The following CCSER1 variants were observed in gnomAD, a reference collection of about 807,000 sequenced individuals.
CCSER1 encodes the protein coiled-coil serine rich protein 1, also known as serine-rich coiled-coil domain-containing protein 1.
A neutral mutation model predicts 82.0 loss-of-function variants in CCSER1; 41 were observed. That is an observed-to-expected ratio of 0.50 (90% CI 0.39 to 0.65). The LOEUF is 0.65. Ranked by LOEUF, CCSER1 falls within the 30% of genes least tolerant of loss-of-function variation. The pLI, the probability that CCSER1 is intolerant of heterozygous loss-of-function variation, is 0.00. For missense variants in CCSER1, 1,119 were observed against 1,064.2 expected (o/e 1.05, Z -0.72); for synonymous variants, 414 against 383.9 (o/e 1.08, Z -0.92).
intron 10 of CCSER1, among the ~76,000 whole-genome samples, chr4:91,158,817 A>G (rs547646252): frequency 6.6e-6 from 1 of 152,152 alleles, no homozygotes; most frequent in Non-Finnish European, 1.5e-5. Context: ...ATCACACAAA[A>G]TAACAAATAC....
intron 4 of CCSER1, among the ~76,000 whole-genome samples, chr4:90,450,385 G>A (rs73833397): frequency 6.6e-6 from 1 of 152,168 alleles, no homozygotes; most frequent in African/African-American, 2.4e-5. Context: ...TTGTATAGGT[G>A]CAGCTAAGCT....
intron 3 of CCSER1, among the ~76,000 whole-genome samples, chr4:90,345,582 G>T (rs1342339761): frequency 6.6e-6 from 1 of 152,068 alleles, no homozygotes; most frequent in Non-Finnish European, 1.5e-5. Flanking sequence ...GTAGTACAGA[G>T]AAATAATTAC....
intron 5 of CCSER1, among the ~76,000 whole-genome samples, chr4:90,584,716 C>T (rs1315733150): frequency 3.9e-5 from 6 of 152,132 alleles, no homozygotes; most frequent in Admixed American, 3.9e-4. Context: ...AATATAGAAA[C>T]TAAATATAAT....
chr4:91,200,228 A>G (rs1401878363), intron 10 of CCSER1, among the ~76,000 whole-genome samples: 2 of 152,102 alleles, frequency 1.3e-5, no homozygotes, highest in African/African-American at 2.4e-5. Flanking sequence ...GATTGTTTTC[A>G]AATTATTTTA....
chr4:90,307,879 A>G (rs1159854256), intron 1 of CCSER1, among the ~76,000 whole-genome samples: 1 of 152,186 alleles, frequency 6.6e-6, no homozygotes, highest in South Asian at 2.1e-4. Flanking sequence ...TGCCTACTGC[A>G]TCTAAATAAA....
At chr4:90,135,974 C>G (rs1723628662) in intron 1 of CCSER1, among the ~76,000 whole-genome samples, 1 of 152,142 alleles carries the variant, frequency 6.6e-6, no homozygotes, top group Non-Finnish European at 1.5e-5. Context: ...CAAATATATG[C>G]ACAATGTGCA....
chr4:90,375,830 A>G (rs1748210628), intron 3 of CCSER1, among the ~76,000 whole-genome samples: 1 of 152,160 alleles, frequency 6.6e-6, no homozygotes, highest in African/African-American at 2.4e-5. Context: ...CATAAATGCA[A>G]GTTGGACTGA....
chr4:90,480,835 G>T (rs1765829840), intron 5 of CCSER1, among the ~76,000 whole-genome samples: 1 of 152,070 alleles, frequency 6.6e-6, no homozygotes, highest in Non-Finnish European at 1.5e-5. Context: ...TTGTTCTTTT[G>T]GCTTAGGATT....
At chr4:91,572,389 G>A (rs560114250) in intron 10 of CCSER1, among the ~76,000 whole-genome samples, 13 of 152,200 alleles carry the variant, frequency 8.5e-5, no homozygotes, top group Admixed American at 4.6e-4. Flanking sequence ...GTCCAGCCCA[G>A]TGAGGAGGAA....
intron 5 of CCSER1, among the ~76,000 whole-genome samples, chr4:90,485,730 G>A (rs1578738023): frequency 6.6e-6 from 1 of 152,030 alleles, no homozygotes; most frequent in African/African-American, 2.4e-5. Context: ...CCCAGTGTGT[G>A]TTGTTCCCCT....
intron 10 of CCSER1, among the ~76,000 whole-genome samples, chr4:91,124,396 C>A (rs1398236538): frequency 1.3e-5 from 2 of 151,878 alleles, no homozygotes; most frequent in East Asian, 1.9e-4. Flanking sequence ...TATATAATTT[C>A]TCATACCTAA....
At chr4:90,982,053 C>T (rs1273512534) in intron 9 of CCSER1, among the ~76,000 whole-genome samples, 2 of 151,762 alleles carry the variant, frequency 1.3e-5, no homozygotes, top group African/African-American at 4.8e-5. Flanking sequence ...AAAGCAAAGA[C>T]TTTTTAAATA....
chr4:91,450,902 A>G (rs1578490239), intron 10 of CCSER1, among the ~76,000 whole-genome samples: 1 of 152,078 alleles, frequency 6.6e-6, no homozygotes, highest in Non-Finnish European at 1.5e-5. Context: ...ATGGGAAAAA[A>G]GTTGTAATAC....
intron 9 of CCSER1, among the ~76,000 whole-genome samples, chr4:90,960,749 G>A (rs149375937): frequency 0.01 from 1,559 of 152,212 alleles, 31 homozygotes; most frequent in African/African-American, 0.036. Flanking sequence ...ACTCCTTGCT[G>A]CATTAGCTGG....
intron 10 of CCSER1, among the ~76,000 whole-genome samples, chr4:91,495,122 G>C (rs931429161): frequency 6.6e-6 from 1 of 151,524 alleles, no homozygotes; most frequent in African/African-American, 2.4e-5. Flanking sequence ...ATTTTAACTT[G>C]TGTACTTTAA....
intron 5 of CCSER1, among the ~76,000 whole-genome samples, chr4:90,551,718 A>C (rs1426052465): frequency 3.2e-4 from 39 of 120,630 alleles, no homozygotes; most frequent in Non-Finnish European, 5.3e-4. Flanking sequence ...ATATATATAT[A>C]TATATATATG....
chr4:91,400,391 G>T (rs920533965), intron 10 of CCSER1, among the ~76,000 whole-genome samples: 1 of 151,472 alleles, frequency 6.6e-6, no homozygotes, highest in Non-Finnish European at 1.5e-5. Context: ...CTTTACATAA[G>T]TATCTTTCAA....
chr4:91,411,792 C>T (rs1216717561), intron 10 of CCSER1, among the ~76,000 whole-genome samples: 1 of 150,408 alleles, frequency 6.6e-6, no homozygotes, highest in Admixed American at 6.6e-5. Context: ...AGGATTTTGA[C>T]CCCCAGGATC....
At chr4:91,369,351 G>C (rs1434684278) in intron 10 of CCSER1, among the ~76,000 whole-genome samples, 1 of 152,144 alleles carries the variant, frequency 6.6e-6, no homozygotes, top group African/African-American at 2.4e-5. Flanking sequence ...ATAAATATTT[G>C]TTTTTGTAAG....
Sources: gnomAD v4.1 joint callset for allele counts (sites outside exome capture counted in the v4.1 genomes callset) on GRCh38, gnomAD v4.1.1 for gene constraint, MANE v1.5 for transcripts, NCBI Gene and HGNC (gene_info 2026-07-23, HGNC 2026-07-21) for gene names.